Variants in ASTN2 observed in about 807,000 individuals in gnomAD.
ASTN2 encodes the protein astrotactin 2.
In ASTN2, 54 loss-of-function variants were observed where a neutral mutation model predicts 139.8. That is an observed-to-expected ratio of 0.39 (90% confidence interval 0.31 to 0.48). The LOEUF is 0.48. ASTN2 is among the 20% of genes least tolerant of loss of function. The pLI, the probability that ASTN2 is intolerant of heterozygous loss-of-function variation, is 0.95. For missense variants in ASTN2, 1,565 were observed against 1,725.1 expected (o/e 0.91, Z 1.64); for synonymous variants, 756 against 719.5 (o/e 1.05, Z -0.81).
At chr9:117,404,457 G>A (rs10818035) in intron 1 of ASTN2, among the ~76,000 whole-genome samples, 55,903 of 151,954 alleles carry the variant, frequency 0.37, 10,626 homozygotes, top group Middle Eastern at 0.43. Context: ...TGAAGGAGTT[G>A]GGTTGGATCT....
chr9:116,919,267 T>C (rs1834532373), intron 10 of ASTN2, among the ~76,000 whole-genome samples: 2 of 152,198 alleles, frequency 1.3e-5, no homozygotes, highest in South Asian at 4.1e-4. Context: ...GGCAAGGAGT[T>C]ATCCATTTGG....
rs147112167 is a variant in ASTN2, at chr9:116,621,232, T to C, written c.3073-789A>G. Among the ~76,000 whole-genome samples the C allele has an allele frequency of 1.2e-3, 181 of 152,320 alleles. 3 individuals carry two copies. In the Middle Eastern group the frequency reaches 0.034, roughly 29 times the overall value. ...ATTACTTAACACTGCCTTTGTAGCA[T>C]GAAAGTGGCATAGATGATACTTTAC... On this transcript the variant is annotated intron_variant, in intron 17 of 22. Coordinates refer to ENST00000313400, the MANE Select transcript of ASTN2 (RefSeq NM_001365068.1).
At chr9:117,038,276 T>C (rs148247586) in intron 6 of ASTN2, among the ~76,000 whole-genome samples, 95 of 152,190 alleles carry the variant, frequency 6.2e-4, no homozygotes, top group Non-Finnish European at 5.6e-4. Flanking sequence ...AAATAGAGGG[T>C]AAGGATCTCA....
intron 1 of ASTN2, among the ~76,000 whole-genome samples, chr9:117,342,153 G>A (rs1488403597): frequency 2.0e-5 from 3 of 152,054 alleles, no homozygotes; most frequent in African/African-American, 7.2e-5. Flanking sequence ...TGTTGTTAAC[G>A]GAACTCAGGT....
At chr9:116,979,234 G>C (rs1836441209) in intron 7 of ASTN2, among the ~76,000 whole-genome samples, 1 of 152,154 alleles carries the variant, frequency 6.6e-6, no homozygotes, top group Non-Finnish European at 1.5e-5. Flanking sequence ...ATGGGTCAGA[G>C]ATAGTATTCA....
intron 20 of ASTN2, among the ~76,000 whole-genome samples, chr9:116,470,797 T>C (rs1377800261): frequency 1.3e-5 from 2 of 152,182 alleles, no homozygotes; most frequent in Non-Finnish European, 2.9e-5. Context: ...CAGAACTCAT[T>C]TGTCCTCTCT....
intron 10 of ASTN2, among the ~76,000 whole-genome samples, chr9:116,945,972 AG>A (rs1224582213): frequency 6.6e-6 from 1 of 152,134 alleles, no homozygotes; most frequent in African/African-American, 2.4e-5. Context: ...CAAAAGGCAA[AG>A]GGGAAGCAAG....
chr9:117,161,486 TG>T (rs1830551241), intron 3 of ASTN2, among the ~76,000 whole-genome samples: 3 of 152,026 alleles, frequency 2.0e-5, no homozygotes, highest in Admixed American at 2.0e-4. Context: ...CTATGCTTCC[TG>T]GGTTCAAGCA....
intron 19 of ASTN2, among the ~76,000 whole-genome samples, chr9:116,534,338 T>C (rs1304581883): frequency 1.3e-5 from 2 of 152,076 alleles, no homozygotes; most frequent in African/African-American, 2.4e-5. Flanking sequence ...ATTTTTCGAA[T>C]GGTTTTTTGT....
At chr9:117,018,101 G>A in intron 6 of ASTN2, among the ~76,000 whole-genome samples, 1 of 152,080 alleles carries the variant, frequency 6.6e-6, no homozygotes, top group East Asian at 1.9e-4. Flanking sequence ...GACCCTACTT[G>A]AAGACATGTT....
rs768444955 is a variant in ASTN2, at chr9:116,820,796, A to T, written c.2041-13T>A. On this transcript the variant is annotated splice_polypyrimidine_tract_variant and intron_variant, in intron 11 of 22. Coordinates refer to ENST00000313400, the MANE Select transcript of ASTN2 (RefSeq NM_001365068.1). ...GCTCCTCAGGGCACTGCTCAGAGAG[A>T]GGGCAACAGGGTAGTTATGGCTTGG... The T allele has an allele frequency of 6.2e-7, 1 of 1,606,856 alleles. No individual in the cohort carries two copies. The highest frequency in any genetic ancestry group is 1.1e-5 in the South Asian group (1 of 90,282).
intron 13 of ASTN2, among the ~76,000 whole-genome samples, chr9:116,743,727 C>G (rs1829158001): frequency 6.6e-6 from 1 of 152,070 alleles, no homozygotes; most frequent in Admixed American, 6.5e-5. Flanking sequence ...GGTCTTGAAC[C>G]CCTGACCTCA....
chr9:117,002,199 C>T (rs1046396100), intron 7 of ASTN2, among the ~76,000 whole-genome samples: 1 of 152,132 alleles, frequency 6.6e-6, no homozygotes, highest in Non-Finnish European at 1.5e-5. Context: ...GACTTTCTAG[C>T]AGGGGAGATA....
intron 19 of ASTN2, among the ~76,000 whole-genome samples, chr9:116,575,993 C>T (rs746428339): frequency 1.3e-5 from 2 of 152,098 alleles, no homozygotes; most frequent in Non-Finnish European, 2.9e-5. Flanking sequence ...ACTGACCTTC[C>T]CAACCTGGGA....
intron 19 of ASTN2, among the ~76,000 whole-genome samples, chr9:116,564,793 TATTCATTA>T (rs1853099516): frequency 6.8e-6 from 1 of 147,184 alleles, no homozygotes; most frequent in Non-Finnish European, 1.5e-5. Flanking sequence ...TGGATTCATT[TATTCATTA>T]ATTAATTTAC....
chr9:117,411,193 T>C (rs1039611455), intron 1 of ASTN2, among the ~76,000 whole-genome samples: 4 of 152,106 alleles, frequency 2.6e-5, no homozygotes, highest in African/African-American at 9.7e-5. Context: ...CCATATATGT[T>C]ATGTAAATTA....
intron 11 of ASTN2, among the ~76,000 whole-genome samples, chr9:116,836,549 G>A (rs1447894452): frequency 1.3e-5 from 2 of 151,686 alleles, no homozygotes; most frequent in African/African-American, 4.9e-5. Context: ...TCCTTTTCCC[G>A]GTATTTTGGC....
At chr9:117,054,147 C>T (rs182029342) in intron 5 of ASTN2, among the ~76,000 whole-genome samples, 1 of 152,156 alleles carries the variant, frequency 6.6e-6, no homozygotes, top group Non-Finnish European at 1.5e-5. Flanking sequence ...ACCTTTCAAG[C>T]CTGCTGGTTT....
At chr9:116,651,029 C>T (rs1310236274) in intron 17 of ASTN2, among the ~76,000 whole-genome samples, 1 of 151,966 alleles carries the variant, frequency 6.6e-6, no homozygotes, top group Non-Finnish European at 1.5e-5. Context: ...AATTCTCCTG[C>T]CTCAGCCTCC....
Sources: allele counts gnomAD v4.1 joint callset (sites outside exome capture counted in the v4.1 genomes callset), GRCh38; gene constraint gnomAD v4.1.1; transcripts MANE v1.5; gene names NCBI Gene and HGNC (gene_info 2026-07-23, HGNC 2026-07-21).